Variants in CENATAC observed in about 807,000 individuals in gnomAD.
The protein encoded by CENATAC is centrosomal AT-AC splicing factor.
Under a neutral mutation model 53.7 loss-of-function variants are expected in CENATAC, and 53 were observed. That is an observed-to-expected ratio of 0.99 (90% confidence interval 0.79 to 1.24). CENATAC has a LOEUF of 1.24. Ranked by LOEUF, CENATAC falls within the 50% of genes most tolerant of loss-of-function variation. The pLI, the probability that CENATAC is intolerant of heterozygous loss-of-function variation, is 0.00. For synonymous variants in CENATAC, 156 were observed against 144.6 expected (o/e 1.08, Z -0.57); for missense variants, 474 against 417.8 (o/e 1.13, Z -1.17).
intron 8 of CENATAC, among the ~76,000 whole-genome samples, chr11:119,013,775 TTTA>T (rs1023907840): frequency 1.1e-4 from 17 of 151,576 alleles, no homozygotes; most frequent in African/African-American, 3.9e-4. Flanking sequence ...TTTTTTTTTT[TTTA>T]AATAAAGTTG....
chr11:118,998,160 A>C lies in CENATAC; in HGVS notation c.-38A>C, dbSNP rs1433564439. The stretch of plus-strand genomic sequence containing the variant: ...GTCAGAGGCCGCCGGATGGCGTAGG[A>C]TCGGCCGCTGGTGGTGGTGATACCG... On this transcript the variant is annotated 5_prime_UTR_variant, in exon 1 of 11. Coordinates refer to ENST00000334418, the MANE Select transcript of CENATAC (RefSeq NM_198489.3). 27 of 1,559,706 alleles carry C rather than the reference A, an allele frequency of 1.7e-5. No individual in the cohort carries two copies. The highest frequency in any genetic ancestry group is 2.2e-5 in the Non-Finnish European group (26 of 1,155,956).
At chr11:119,015,201 G>A in intron 9 of CENATAC, 106 bp from the exon 10 acceptor site, 1 of 1,444,612 alleles carries the variant, frequency 6.9e-7, no homozygotes, top group African/African-American at 1.4e-5. Flanking sequence ...TGAGGTGGGA[G>A]GGTCACTTGA....
rs781857579 is a variant in CENATAC, at chr11:119,011,269, C to T, written c.499C>T (p.Arg167Trp). 7.4e-6 allele frequency: 12 copies of T among 1,613,960 alleles called. No individual in the cohort carries two copies. The highest frequency in any genetic ancestry group is 4.0e-5 in the African/African-American group (3 of 74,934). The change falls in exon 5 of 11, where the codon CGG (arginine) becomes TGG (tryptophan). Residue 167 changes from arginine (R) to tryptophan (W), a missense_variant. Coordinates refer to ENST00000334418, the MANE Select transcript of CENATAC (RefSeq NM_198489.3). Reference sequence around the variant, plus strand: ...GGAGCAGAGCCGACAGGAGGTGGTTCGGTCTGTCTTAGAGGTTGGTTTCCC... The same window carrying T: ...GGAGCAGAGCCGACAGGAGGTGGTTTGGTCTGTCTTAGAGGTTGGTTTCCC... The part of the protein sequence containing the change: ...EVEQSRQEVV[R>W]SVLEPQAVPD...
intron 3 of CENATAC, 191 bp from the exon 4 acceptor site, chr11:119,010,573 G>A: frequency 1.7e-6 from 1 of 578,182 alleles, no homozygotes; most frequent in Non-Finnish European, 3.1e-6. Flanking sequence ...ACGTGTGTCT[G>A]TACAAAAGAA....
At chr11:119,004,346 C>G (rs1942469369) in intron 3 of CENATAC, 1 of 152,154 alleles carries the variant, frequency 6.6e-6, no homozygotes, top group Non-Finnish European at 1.5e-5. Flanking sequence ...CTCCTGGGTT[C>G]AAGTGATTCT....
At chr11:119,005,387 A>G (rs1942536174) in intron 3 of CENATAC, among the ~76,000 whole-genome samples, 3 of 150,866 alleles carry the variant, frequency 2.0e-5, no homozygotes, top group Non-Finnish European at 4.4e-5. Flanking sequence ...AATGGCGTGA[A>G]CCCAGGAGGT....
At chr11:119,005,990 G>C (rs923573496) in intron 3 of CENATAC, 2 of 141,548 alleles carry the variant, frequency 1.4e-5, no homozygotes, top group Non-Finnish European at 3.0e-5. Flanking sequence ...AGACTGGAGT[G>C]CAGCGGTACA....
chr11:119,011,908 G>T, intron 5 of CENATAC, 31 bp from the exon 6 acceptor site: 2 of 1,608,944 alleles, frequency 1.2e-6, no homozygotes, highest in South Asian at 2.2e-5. Context: ...AAGCATCCCA[G>T]ACACATTTAT....
At position 119,015,210 on chromosome 11, in the gene CENATAC, G is replaced by A. The variant is rs376894075; in HGVS notation, c.806-97G>A. On this transcript the variant is annotated intron_variant, in intron 9 of 10. Transcript: ENST00000334418. Reference sequence around the variant, plus strand: ...GGAGGCTGAGGTGGGAGGGTCACTTGAGCCCAGAAGTTTGAAAACAGCCTG... The same window carrying A: ...GGAGGCTGAGGTGGGAGGGTCACTTAAGCCCAGAAGTTTGAAAACAGCCTG... The A allele has an allele frequency of 1.3e-3, 1,940 of 1,462,400 alleles. 45 individuals carry two copies. In the South Asian group the frequency reaches 0.023, roughly 17 times the overall value. 90.6% of individuals were successfully genotyped at this position (1,462,400 alleles called of 1,614,324 possible).
chr11:119,015,272 T>C (rs1565673046), intron 9 of CENATAC, 35 bp from the exon 10 acceptor site: 2 of 1,574,168 alleles, frequency 1.3e-6, no homozygotes, highest in East Asian at 4.5e-5. Flanking sequence ...TATTCTTCAA[T>C]AAAGAAAAAT....
chr11:119,012,605 C>G (rs1592076692), intron 7 of CENATAC: 1 of 211,184 alleles, frequency 4.7e-6, no homozygotes, highest in Admixed American at 5.2e-5. Context: ...TCTCCCATAT[C>G]CTGTCAACAA....
intron 3 of CENATAC, among the ~76,000 whole-genome samples, chr11:119,009,070 C>G (rs56028631): frequency 0.013 from 1,934 of 152,268 alleles, 42 homozygotes; most frequent in East Asian, 0.057. Flanking sequence ...AATGGAGTCT[C>G]TTATGTCTTT....
In CENATAC at chr11:118,998,235, C is replaced by A. The variant is rs1185430081; in HGVS notation, c.38C>A (p.Thr13Asn). 6.3e-7 allele frequency: 1 copy of A among 1,586,686 alleles called. No homozygotes were observed. Among genetic ancestry groups the A allele is most frequent in the Non-Finnish European group, 8.6e-7 (1 of 1,166,816 alleles). The change falls in exon 1 of 11, where the codon ACC becomes AAC. Residue 13 changes from threonine (T) to asparagine (N), a missense_variant. By Grantham distance (65) the Thr-to-Asn change is moderately conservative. Transcript: ENST00000334418. ...CAGCGCTGCCCTCTGTGCCGCCAGA[C>A]CTTCTTCTGTGGTCGCGGGCACGTT... ...PAQRCPLCRQTFFCGRGHVYS... is the reference protein window; with the variant it reads ...PAQRCPLCRQNFFCGRGHVYS...
Position 119,012,231 on chromosome 11 carries a change from T to C in CENATAC, c.661T>C (p.Ser221Pro). 1 of 1,614,076 alleles carries C rather than the reference T, an allele frequency of 6.2e-7. No individual in the cohort carries two copies. Among genetic ancestry groups the C allele is most frequent in the South Asian group, 1.1e-5 (1 of 91,076 alleles). Reference sequence around the variant, plus strand: ...GCTTGACTGGATGGAGACAGGACCATCTCTGACATTCATTGGCCATCAGGT... The same window carrying C: ...GCTTGACTGGATGGAGACAGGACCACCTCTGACATTCATTGGCCATCAGGT... The part of the protein sequence containing the change: ...PELDWMETGP[S>P]LTFIGHQDIP... Residue 221 changes from serine (S) to proline (P), a missense_variant, in exon 7 of 11, where the codon TCT becomes CCT. Physicochemically the swap from Ser to Pro is moderately conservative, Grantham distance 74. Coordinates refer to ENST00000334418, the MANE Select transcript of CENATAC (RefSeq NM_198489.3).
At chr11:119,011,394 G>GAT in intron 5 of CENATAC, 111 bp downstream of exon 5, 1 of 1,049,450 alleles carries the variant, frequency 9.5e-7, no homozygotes, top group South Asian at 1.4e-5. Flanking sequence ...TTTTTTTGGA[G>GAT]ACAGAGTTTC....
At position 119,012,325 on chromosome 11, in the gene CENATAC, T is replaced by C. The variant is rs1025281340; in HGVS notation, c.684+71T>C. The stretch of plus-strand genomic sequence containing the variant: ...TCTCAGGACCCCTTTCTCCTGATTT[T>C]CTACCTATTCAAGCCACTGCTGCCT... On this transcript the variant is annotated intron_variant, in intron 7 of 10. Coordinates refer to ENST00000334418, the MANE Select transcript of CENATAC (RefSeq NM_198489.3). The C allele has an allele frequency of 5.2e-6, 8 of 1,546,432 alleles. No homozygotes were observed. The African/African-American group carries it at 8.2e-5, about 16-fold the overall frequency.
intron 3 of CENATAC, among the ~76,000 whole-genome samples, chr11:119,006,963 C>T (rs782352749): frequency 5.3e-5 from 8 of 152,202 alleles, no homozygotes; most frequent in Non-Finnish European, 1.2e-4. Context: ...TATAAGGCCT[C>T]CCCGGCCACA....
intron 3 of CENATAC, among the ~76,000 whole-genome samples, chr11:119,006,426 C>G (rs1294382969): frequency 6.6e-6 from 1 of 151,990 alleles, no homozygotes. Flanking sequence ...TTAGTAGAGA[C>G]GGGGTTTCAC....
chr11:119,010,669 G>T, intron 3 of CENATAC, 95 bp from the exon 4 acceptor site: 1 of 1,102,334 alleles, frequency 9.1e-7, no homozygotes, highest in South Asian at 1.3e-5. Flanking sequence ...TCTGAATTTG[G>T]AATTTCTCAA....
Sources: allele counts gnomAD v4.1 joint callset (sites outside exome capture counted in the v4.1 genomes callset), GRCh38; gene constraint gnomAD v4.1.1; transcripts MANE v1.5; gene names NCBI Gene and HGNC (gene_info 2026-07-23, HGNC 2026-07-21).